GATAD2B: variants seen among roughly 807,000 people sequenced by gnomAD.
GATAD2B encodes the protein transcriptional repressor p66-beta.
GATAD2B carries 8 observed loss-of-function variants against 64.3 expected under a neutral mutation model. The ratio of observed to expected loss-of-function variants is 0.12; its 90% CI spans 0.07 to 0.22. The LOEUF (loss-of-function observed/expected upper bound fraction) is 0.22. Ranked by LOEUF, GATAD2B falls within the 10% of genes least tolerant of loss-of-function variation. The probability of loss-of-function intolerance (pLI) is 1.00; values close to 1 mark genes in which losing one functional copy is unlikely to be tolerated. For missense variants in GATAD2B, 453 were observed against 752.0 expected (o/e 0.60, Z 4.65); for synonymous variants, 281 against 271.3 (o/e 1.04, Z -0.35).
intron 1 of GATAD2B, among the ~76,000 whole-genome samples, chr1:153,862,670 G>T (rs1485142411): frequency 6.6e-6 from 1 of 151,382 alleles, no homozygotes; most frequent in Non-Finnish European, 1.5e-5. Context: ...GAAATTGAGA[G>T]TATTTAGAAA....
chr1:153,813,926 C>T (rs1029379590), intron 7 of GATAD2B, among the ~76,000 whole-genome samples: 4 of 152,136 alleles, frequency 2.6e-5, no homozygotes, highest in African/African-American at 4.8e-5. Context: ...TGCAGTGAGC[C>T]GAAATTGTGC....
At chr1:153,882,318 A>C (rs189909598) in intron 1 of GATAD2B, among the ~76,000 whole-genome samples, 1 of 152,282 alleles carries the variant, frequency 6.6e-6, no homozygotes, top group African/African-American at 2.4e-5. Flanking sequence ...AAATTATAAC[A>C]AAATGAAGAC....
At chr1:153,856,231 A>G (rs1365050636) in intron 1 of GATAD2B, among the ~76,000 whole-genome samples, 1 of 152,152 alleles carries the variant, frequency 6.6e-6, no homozygotes, top group Non-Finnish European at 1.5e-5. Flanking sequence ...CCTTAATTCC[A>G]TCTGCCATCT....
intron 1 of GATAD2B, among the ~76,000 whole-genome samples, chr1:153,873,841 T>C (rs566908949): frequency 5.3e-5 from 8 of 152,178 alleles, no homozygotes; most frequent in Non-Finnish European, 1.2e-4. Context: ...CCTAGCTACT[T>C]GAGAGGCTGA....
intron 1 of GATAD2B, among the ~76,000 whole-genome samples, chr1:153,864,171 G>A (rs186685430): frequency 6.6e-6 from 1 of 152,236 alleles, no homozygotes; most frequent in East Asian, 1.9e-4. Flanking sequence ...TGTTGTAAGT[G>A]ATACATTCAT....
At chr1:153,906,634 A>T (rs1677945839) in intron 1 of GATAD2B, among the ~76,000 whole-genome samples, 1 of 152,182 alleles carries the variant, frequency 6.6e-6, no homozygotes, top group African/African-American at 2.4e-5. Context: ...CAGGCAAAAA[A>T]GGAAAAAAAA....
intron 1 of GATAD2B, among the ~76,000 whole-genome samples, chr1:153,842,036 C>A (rs1675515387): frequency 6.6e-6 from 1 of 152,064 alleles, no homozygotes. Context: ...TTCATAGGCA[C>A]CATCTTAACA....
At chr1:153,873,640 C>T (rs532298687) in intron 1 of GATAD2B, among the ~76,000 whole-genome samples, 4 of 152,292 alleles carry the variant, frequency 2.6e-5, no homozygotes, top group African/African-American at 7.2e-5. Context: ...CCTCCAGAGC[C>T]GTGAGAAATA....
chr1:153,896,433 CTTTTTTTTT>C (rs35275252), intron 1 of GATAD2B, among the ~76,000 whole-genome samples: 7 of 115,986 alleles, frequency 6.0e-5, no homozygotes, highest in Admixed American at 1.8e-4. Flanking sequence ...GTAAAATTTT[CTTTTTTTTT>C]TTTTTTTTTT....
intron 1 of GATAD2B, among the ~76,000 whole-genome samples, chr1:153,857,602 C>T (rs143212805): frequency 2.6e-5 from 4 of 152,090 alleles, no homozygotes; most frequent in African/African-American, 9.7e-5. Context: ...TCACTATAGT[C>T]CCCTTATCAA....
intron 1 of GATAD2B, 107 bp from the exon 2 acceptor site, chr1:153,828,455 TACACACACACACACACACACAC>T (rs71093290): frequency 8.6e-6 from 5 of 584,300 alleles, no homozygotes; most frequent in African/African-American, 3.9e-5. Context: ...CTCTCACACA[TACACACACACACACACACACAC>T]ACACACACAC....
chr1:153,843,063 C>T (rs183677728), intron 1 of GATAD2B, among the ~76,000 whole-genome samples: 77 of 151,770 alleles, frequency 5.1e-4, no homozygotes, highest in Admixed American at 1.5e-3. Context: ...GTGATCCTCC[C>T]GCCTCAGCCT....
chr1:153,842,418 A>T (rs1183035341), intron 1 of GATAD2B, among the ~76,000 whole-genome samples: 1 of 152,182 alleles, frequency 6.6e-6, no homozygotes, highest in African/African-American at 2.4e-5. Flanking sequence ...GAGACAAAAC[A>T]TTAGATAAAT....
At chr1:153,899,308 C>T (rs1371768698) in intron 1 of GATAD2B, among the ~76,000 whole-genome samples, 1 of 152,130 alleles carries the variant, frequency 6.6e-6, no homozygotes, top group African/African-American at 2.4e-5. Flanking sequence ...CTGGTTCACA[C>T]CTGTAATCCC....
intron 1 of GATAD2B, among the ~76,000 whole-genome samples, chr1:153,911,572 C>T (rs1678109321): frequency 6.6e-6 from 1 of 151,680 alleles, no homozygotes; most frequent in Non-Finnish European, 1.5e-5. Flanking sequence ...CTGTCTCTAC[C>T]AAAAATACAA....
intron 1 of GATAD2B, among the ~76,000 whole-genome samples, chr1:153,904,997 G>A (rs901428061): frequency 6.6e-6 from 1 of 151,692 alleles, no homozygotes; most frequent in Non-Finnish European, 1.5e-5. Context: ...ATGAGCCACC[G>A]CCCTGGCCCT....
chr1:153,852,091 G>C, intron 1 of GATAD2B: 2 of 573,568 alleles, frequency 3.5e-6, no homozygotes, highest in Non-Finnish European at 6.4e-6. Context: ...CTGGTGACAG[G>C]GGCAAGTTTA....
intron 1 of GATAD2B, among the ~76,000 whole-genome samples, chr1:153,866,226 T>A (rs1018611824): frequency 3.5e-5 from 5 of 141,720 alleles, no homozygotes; most frequent in South Asian, 2.2e-4. Context: ...AAAAAAAAAA[T>A]TCATAGCTCT....
chr1:153,852,478 G>A, intron 1 of GATAD2B: 1 of 759,776 alleles, frequency 1.3e-6, no homozygotes, highest in South Asian at 1.4e-5. Flanking sequence ...GCAATAGCAA[G>A]AGTACGTGAC....
Sources: gnomAD v4.1 joint callset for allele counts (sites outside exome capture counted in the v4.1 genomes callset) on GRCh38, gnomAD v4.1.1 for gene constraint, MANE v1.5 for transcripts, NCBI Gene and HGNC (gene_info 2026-07-23, HGNC 2026-07-21) for gene names.